Variants in SLC4A1 observed in about 807,000 individuals in gnomAD.
SLC4A1 encodes solute carrier family 4 member 1 (Diego blood group).
A neutral mutation model predicts 93.1 loss-of-function variants in SLC4A1; 29 were observed. The ratio of observed to expected loss-of-function variants is 0.31; its 90% confidence interval spans 0.23 to 0.42. The LOEUF (loss-of-function observed/expected upper bound fraction) is 0.42, where lower values mean the gene tolerates loss of function less well. SLC4A1 is among the 20% of genes least tolerant of loss of function. The pLI, the probability that SLC4A1 is intolerant of heterozygous loss-of-function variation, is 1.00. For missense variants in SLC4A1, 965 were observed against 1,190.1 expected (o/e 0.81, Z 2.78); for synonymous variants, 469 against 497.2 (o/e 0.94, Z 0.76).
intron 3 of SLC4A1, chr17:44,262,097 T>TGGC: frequency 6.7e-6 from 7 of 1,042,594 alleles, no homozygotes; most frequent in African/African-American, 1.7e-5. Context: ...CCCCTTATAT[T>TGGC]CCCACCCCTC....
intron 1 of SLC4A1, among the ~76,000 whole-genome samples, chr17:44,267,423 C>A (rs957396665): frequency 6.6e-6 from 1 of 152,160 alleles, no homozygotes; most frequent in African/African-American, 2.4e-5. Flanking sequence ...ATATAAGGAG[C>A]GCTATGAAAA....
chr17:44,260,022 T>G, intron 6 of SLC4A1, 90 bp from the exon 7 acceptor site: 1 of 1,528,844 alleles, frequency 6.5e-7, no homozygotes, highest in Non-Finnish European at 9.0e-7. Context: ...ATCAAGGGAC[T>G]GGGGTAGACA....
chr17:44,257,920 G>A lies in SLC4A1; in HGVS notation c.1282+66C>T, dbSNP rs755433727. The A allele has an allele frequency of 1.7e-5, 28 of 1,608,256 alleles. No homozygotes were observed. The South Asian group carries it at 3.0e-4, about 17-fold the overall frequency. ...TCTGGAGGGTCAGACAGAGTCAGAA[G>A]TTGGGGCTGAGACAGAGGCCAGAGG... On this transcript the variant is annotated intron_variant, in intron 11 of 19. Coordinates refer to ENST00000262418, the MANE Select transcript of SLC4A1 (RefSeq NM_000342.4).
chr17:44,266,864 G>T (rs528954534), intron 1 of SLC4A1, among the ~76,000 whole-genome samples: 2 of 152,140 alleles, frequency 1.3e-5, no homozygotes, highest in East Asian at 3.9e-4. Flanking sequence ...GGGAAGACAC[G>T]GCGGGAGAGG....
intron 13 of SLC4A1, 78 bp from the exon 14 acceptor site, chr17:44,255,924 C>G (rs747657014): frequency 1.5e-6 from 2 of 1,303,510 alleles, no homozygotes; most frequent in Non-Finnish European, 2.2e-6. Flanking sequence ...TAACTCTACC[C>G]AGCACTACTA....
At chr17:44,250,616 C>T (rs970890627) in intron 19 of SLC4A1, 78 bp from the exon 20 acceptor site, 4 of 1,118,430 alleles carry the variant, frequency 3.6e-6, no homozygotes, top group African/African-American at 1.5e-5. Context: ...CGAAAGGCAC[C>T]TCTGGAGTTA....
chr17:44,253,008 A>AG, intron 17 of SLC4A1, 110 bp downstream of exon 17: 1 of 1,144,390 alleles, frequency 8.7e-7, no homozygotes, highest in Non-Finnish European at 1.3e-6. Context: ...GAAGTGGTGC[A>AG]GGATGGGGGA....
chr17:44,260,332 G>T (rs896781388), intron 6 of SLC4A1, 72 bp downstream of exon 6: 3 of 1,560,626 alleles, frequency 1.9e-6, no homozygotes, highest in South Asian at 1.2e-5. Context: ...TCCCGGGGGA[G>T]AACTTGGGGC....
intron 16 of SLC4A1, 33 bp downstream of exon 16, chr17:44,254,463 C>CA: frequency 1.5e-6 from 2 of 1,318,272 alleles, no homozygotes; most frequent in African/African-American, 1.5e-5. Flanking sequence ...TGCCTCCCAC[C>CA]CTCCCAGGCC....
rs749233224 is a variant in SLC4A1 at position 44,251,567 on chromosome 17, G to A, written c.2333C>T (p.Pro778Leu). Residue 778 changes from proline to leucine, a missense_variant, in exon 18 of 20, where the codon CCC (proline) becomes CTC (leucine). Coordinates refer to ENST00000262418, the MANE Select transcript of SLC4A1 (RefSeq NM_000342.4). Reference sequence around the variant, plus strand: ...AGCCAGGGGGATGCGGGACAGGATGGGCTCCATGAGGATGGACAGGCCTGT... The same window carrying A: ...AGCCAGGGGGATGCGGGACAGGATGAGCTCCATGAGGATGGACAGGCCTGT... Reference protein sequence around the residue: ...VLVGLSILMEPILSRIPLAVL... With the variant: ...VLVGLSILMELILSRIPLAVL... The A allele has an allele frequency of 6.2e-7, 1 of 1,614,076 alleles. No individual in the cohort carries two copies. The highest frequency in any genetic ancestry group is 8.5e-7 in the Non-Finnish European group (1 of 1,180,018).
intron 16 of SLC4A1, among the ~76,000 whole-genome samples, chr17:44,253,963 C>T (rs1005260557): frequency 1.4e-4 from 21 of 146,234 alleles, no homozygotes; most frequent in Admixed American, 1.2e-3. Context: ...AGCCACCTCA[C>T]CTGGCGCTTT....
chr17:44,258,383 C>T lies in SLC4A1; in HGVS notation c.1087+30G>A. The stretch of plus-strand genomic sequence containing the variant: ...AGGTGTCTGGGGGTCGGTGGGGGCT[C>T]AGAAAGCCTCAGCTGGGAAGGGCAG... On this transcript the variant is annotated intron_variant, in intron 10 of 19. Transcript: ENST00000262418. This position sits in a 1 kb window ranked among gnomAD's most constrained non-coding sequence, Gnocchi z 6.1. 1 of 1,608,706 alleles carries T rather than the reference C, an allele frequency of 6.2e-7. No homozygotes were observed. Among genetic ancestry groups the T allele is most frequent in the Non-Finnish European group, 8.5e-7 (1 of 1,175,396 alleles).
chr17:44,260,799 T>C lies in SLC4A1; in HGVS notation c.185A>G (p.Gln62Arg). ...GTTCTTTTCGTCCATCACCAGCTCC[T>C]GCAGCTCCACATAGACCTGTGGCCC... ...PGTHKVYVELQELVMDEKNQE... is the reference protein window; with the variant it reads ...PGTHKVYVELRELVMDEKNQE... The change falls in exon 5 of 20, where the codon CAG (glutamine) becomes CGG (arginine). Residue 62 changes from glutamine (Q) to arginine (R), a missense_variant. By Grantham distance (43) the Gln-to-Arg change is conservative. Coordinates refer to ENST00000262418, the MANE Select transcript of SLC4A1 (RefSeq NM_000342.4). 4 of 1,612,696 alleles carry C rather than the reference T, an allele frequency of 2.5e-6. No individual in the cohort carries two copies. The highest frequency in any genetic ancestry group is 3.4e-6 in the Non-Finnish European group (4 of 1,180,012).
chr17:44,255,373 C>T (rs1453088377), intron 14 of SLC4A1, 77 bp from the exon 15 acceptor site: 2 of 1,083,532 alleles, frequency 1.8e-6, no homozygotes, highest in African/African-American at 1.6e-5. Context: ...CCTATATTCA[C>T]CCACGGGGCC....
rs557549888 is a variant in SLC4A1 at position 44,249,426 on chromosome 17, G to A, written c.*1032C>T. On this transcript the variant is annotated 3_prime_UTR_variant, in exon 20 of 20. Coordinates refer to ENST00000262418, the MANE Select transcript of SLC4A1 (RefSeq NM_000342.4). ...TATGTTGAAAACTCTTAGAAAATAC[G>A]CAATTAATAAATTACAAACCCCCTC... is the stretch of plus-strand genomic sequence containing the variant. The A allele has an allele frequency of 1.5e-5, 4 of 275,198 alleles. No homozygotes were observed. Among genetic ancestry groups the A allele is most frequent in the African/African-American group, 7.1e-5 (3 of 42,508 alleles). The allele number at this position is 275,198 out of a possible 1,614,324, so 17.0% of individuals were successfully genotyped here.
intron 1 of SLC4A1, among the ~76,000 whole-genome samples, chr17:44,265,979 CAAAA>C (rs753916308): frequency 3.5e-5 from 3 of 85,026 alleles, no homozygotes; most frequent in African/African-American, 4.1e-5. Flanking sequence ...GACTCCGTCT[CAAAA>C]AAAAAAAAAA....
In SLC4A1 at chr17:44,259,081, C is replaced by T. The variant is rs962311971; in HGVS notation, c.876+82G>A. ...GTCAAACCAGTGAACCTAAAGTAACCCAGGCCAGGTTGGAGAGCAGGCCTC... is the reference window on the plus strand; with the variant it reads ...GTCAAACCAGTGAACCTAAAGTAACTCAGGCCAGGTTGGAGAGCAGGCCTC... On this transcript the variant is annotated intron_variant, in intron 9 of 19. Transcript: ENST00000262418. 67 of 1,433,276 alleles carry T rather than the reference C, an allele frequency of 4.7e-5. No homozygotes were observed. The Middle Eastern group carries it at 9.0e-4, about 19-fold the overall frequency. The allele number at this position is 1,433,276 out of a possible 1,614,324, so 88.8% of individuals were successfully genotyped here.
chr17:44,260,590 A>G (rs1205582904), intron 5 of SLC4A1, 45 bp downstream of exon 5: 1 of 1,614,168 alleles, frequency 6.2e-7, no homozygotes, highest in Non-Finnish European at 8.5e-7. Flanking sequence ...GCACCCCACA[A>G]CAATCCTCAT....
chr17:44,250,418 G>A lies in SLC4A1; in HGVS notation c.*40C>T. 6.7e-7 allele frequency: 1 copy of A among 1,499,414 alleles called. No individual in the cohort carries two copies. The highest frequency in any genetic ancestry group is 9.3e-7 in the Non-Finnish European group (1 of 1,076,164). The allele number at this position is 1,499,414 out of a possible 1,614,324, so 92.9% of individuals were successfully genotyped here. A position where few individuals can be genotyped will look rare whatever the true frequency, so the allele number is the denominator to read the frequency against. On this transcript the variant is annotated 3_prime_UTR_variant, in exon 20 of 20. Coordinates refer to ENST00000262418, the MANE Select transcript of SLC4A1 (RefSeq NM_000342.4). The stretch of plus-strand genomic sequence containing the variant: ...CTGCTTTTCCTTGGAAGGTGGGGAT[G>A]TGGAATGGTGGGGGAGGGTCTAGGG...
Sources: gnomAD v4.1 joint callset for allele counts (sites outside exome capture counted in the v4.1 genomes callset) on GRCh38, gnomAD v4.1.1 for gene constraint, Gnocchi (gnomAD v3.1) non-coding constraint, MANE v1.5 for transcripts, NCBI Gene and HGNC (gene_info 2026-07-23, HGNC 2026-07-21) for gene names.